TTC7A: variants seen among roughly 807,000 people sequenced by gnomAD.
The protein encoded by TTC7A is tetratricopeptide repeat domain 7A.
TTC7A carries 110 observed loss-of-function variants against 103.7 expected under a neutral mutation model. The observed-to-expected ratio is 1.06, with a 90% confidence interval of 0.91 to 1.24. The LOEUF (loss-of-function observed/expected upper bound fraction) is 1.24. Among genes scored for constraint, TTC7A ranks in the 50% most tolerant of loss-of-function variants. The pLI is 0.00. For missense variants in TTC7A, 1,340 were observed against 1,116.3 expected, an observed-to-expected ratio of 1.20 and a Z score of -2.86; for synonymous variants, 521 against 467.9, an observed-to-expected ratio of 1.11 and a Z score of -1.47.
intron 3 of TTC7A, among the ~76,000 whole-genome samples, chr2:46,973,276 G>A (rs1006305089): frequency 1.4e-4 from 21 of 152,284 alleles, no homozygotes; most frequent in African/African-American, 5.1e-4. Flanking sequence ...ATAAGAGTAT[G>A]GACTATCTGG....
At chr2:46,917,098 T>G in intron 1 of TTC7A, 2 of 688,152 alleles carry the variant, frequency 2.9e-6, no homozygotes, top group Non-Finnish European at 5.3e-6. Context: ...CTCATTCCTT[T>G]TCCCACCTTC....
rs976806035 is a variant in TTC7A at position 47,060,858 on chromosome 2, C to A, written c.2242C>A (p.Leu748Ile). 3.7e-6 allele frequency: 6 copies of A among 1,614,066 alleles called. No homozygotes were observed. Among genetic ancestry groups the A allele is most frequent in the Admixed American group, 3.3e-5 (2 of 60,002 alleles). The change falls in exon 19 of 20, where the codon CTC becomes ATC. Residue 748 changes from leucine to isoleucine, a missense_variant. Transcript: ENST00000319190. ...CCTCTTCCCCACTTCTCACTCAGTA[C>A]TCTATATGCGGGGCCGGCTGGCTGA... ...AGLFPTSHSV[L>I]YMRGRLAEVK...
At chr2:46,998,882 A>G (rs1221316329) in intron 8 of TTC7A, among the ~76,000 whole-genome samples, 2 of 152,224 alleles carry the variant, frequency 1.3e-5, no homozygotes, top group Admixed American at 1.3e-4. Context: ...TTCAAGAGGT[A>G]AATAGAAACC....
At chr2:47,053,543 TTTGGTTGGTTGGTTGG>T (rs35563040) in intron 18 of TTC7A, among the ~76,000 whole-genome samples, 9 of 140,138 alleles carry the variant, frequency 6.4e-5, no homozygotes, top group Non-Finnish European at 1.4e-4. Context: ...TGTTTGTTTG[TTTGGTTGGTTGGTTGG>T]TTGGTTGGTT....
chr2:46,932,532 AT>A (rs1669759480), intron 2 of TTC7A, among the ~76,000 whole-genome samples: 1 of 152,172 alleles, frequency 6.6e-6, no homozygotes, highest in East Asian at 1.9e-4. Flanking sequence ...CTTTTGTGTT[AT>A]TTTACACAAC....
At chr2:47,010,843 A>G (rs1427535393) in intron 10 of TTC7A, among the ~76,000 whole-genome samples, 1 of 151,978 alleles carries the variant, frequency 6.6e-6, no homozygotes, top group African/African-American at 2.4e-5. Flanking sequence ...GGGACTATGG[A>G]CACACGCCTC....
At position 47,050,173 on chromosome 2, in the gene TTC7A, C is replaced by A. The variant is rs1025054417; in HGVS notation, c.2017+127C>A. The A allele has an allele frequency of 1.0e-5, 8 of 766,218 alleles. No homozygotes were observed. In the Admixed American group the frequency reaches 1.1e-4, roughly 10 times the overall value. The allele number at this position is 766,218 out of a possible 1,614,324, so 47.5% of individuals were successfully genotyped here. On this transcript the variant is annotated intron_variant, in intron 17 of 19. Transcript: ENST00000319190. ...GGCCAAGCCCACCACTGGCTCCTTG[C>A]CAGCTCGGGCAACTTCTGGGGCTGA...
rs541449212 is a variant in TTC7A at position 46,920,321 on chromosome 2, C to A, written c.82+3044C>A. ...ACATTAGTTATTCTAGATAAACATT[C>A]TCTTCTTCAGTCTTAGCCTTTTTTT... On this transcript the variant is annotated intron_variant, in intron 2 of 20. Coordinates refer to the TTC7A transcript ENST00000409245. 1.2e-3 allele frequency among the ~76,000 whole-genome samples: 175 copies of A among 152,142 alleles called. 1 individual carries two copies. The highest frequency in any genetic ancestry group is 4.1e-3 in the African/African-American group (171 of 41,494).
chr2:47,012,894 C>T (rs1396840714), intron 11 of TTC7A, among the ~76,000 whole-genome samples: 1 of 152,194 alleles, frequency 6.6e-6, no homozygotes, highest in African/African-American at 2.4e-5. Context: ...AGTGTGGCAT[C>T]TGGCTCGTGT....
At chr2:47,054,262 T>A (rs1553410897) in intron 18 of TTC7A, 1 of 261,896 alleles carries the variant, frequency 3.8e-6, no homozygotes, top group Non-Finnish European at 4.3e-6. Context: ...TGTAACAGTT[T>A]ACAGTTTACA....
At chr2:46,999,554 T>C (rs1676579182) in intron 8 of TTC7A, 1 of 985,362 alleles carries the variant, frequency 1.0e-6, no homozygotes, top group African/African-American at 1.7e-5. Context: ...TCATAGTTCC[T>C]GTCCCAAATG....
intron 19 of TTC7A, among the ~76,000 whole-genome samples, chr2:47,070,234 C>T (rs1199442705): frequency 1.3e-5 from 2 of 152,268 alleles, no homozygotes; most frequent in African/African-American, 2.4e-5. Flanking sequence ...CCTGGCCACA[C>T]ACTGTGCCTC....
intron 14 of TTC7A, 116 bp from the exon 15 acceptor site, chr2:47,029,108 A>T (rs1185754488): frequency 8.0e-7 from 1 of 1,256,598 alleles, no homozygotes; most frequent in African/African-American, 1.5e-5. Flanking sequence ...CCCTGCCCCC[A>T]GTGCCTGGGG....
rs1558531725 is a variant in TTC7A at position 46,978,859 on chromosome 2, TC to T, written c.718del (p.Leu240TrpfsTer10). On this transcript the variant is annotated frameshift_variant, in exon 5 of 20. Coordinates refer to ENST00000319190, the MANE Select transcript of TTC7A (RefSeq NM_020458.4). LOFTEE classifies it high-confidence loss of function. ...CHPLDYELTY[F>X]LEAALQSAYV... The stretch of plus-strand genomic sequence containing the variant: ...CCGCTTGACTATGAGCTCACCTACT[TC>T]CTGGAAGCTGCCCTCCAGAGCGCCT... 1 of 1,614,082 alleles carries T rather than the reference TC, an allele frequency of 6.2e-7. No homozygotes were observed. The highest frequency in any genetic ancestry group is 8.5e-7 in the Non-Finnish European group (1 of 1,179,988).
intron 11 of TTC7A, among the ~76,000 whole-genome samples, chr2:47,013,283 T>C (rs1035441707): frequency 1.3e-5 from 2 of 152,142 alleles, no homozygotes; most frequent in African/African-American, 4.8e-5. Context: ...TTCCCAGGTC[T>C]TTTGGGGAAG....
Position 47,075,126 on chromosome 2 carries a change from T to G in TTC7A, c.*1203T>G, listed in dbSNP as rs1231718074. ...CACCTTCCTCGGAAGGAGTGGGCTG[T>G]TGGAGACCCCCCATCCATGGCACAC... On this transcript the variant is annotated 3_prime_UTR_variant, in exon 20 of 20. Coordinates refer to ENST00000319190, the MANE Select transcript of TTC7A (RefSeq NM_020458.4). 6.6e-6 allele frequency: 1 copy of G among 152,240 alleles called. No individual in the cohort carries two copies. Among genetic ancestry groups the G allele is most frequent in the Non-Finnish European group, 1.5e-5 (1 of 68,060 alleles). 9.4% of individuals were successfully genotyped at this position (152,240 alleles called of 1,614,324 possible). A position where few individuals can be genotyped will look rare whatever the true frequency, so the allele number is the denominator to read the frequency against.
intron 2 of TTC7A, among the ~76,000 whole-genome samples, chr2:46,923,031 G>C (rs1669186486): frequency 6.6e-6 from 1 of 152,198 alleles, no homozygotes. Flanking sequence ...CAGATGAAGA[G>C]ATACATAGGG....
intron 2 of TTC7A, among the ~76,000 whole-genome samples, chr2:46,931,802 C>G (rs1390740591): frequency 6.6e-6 from 1 of 152,126 alleles, no homozygotes; most frequent in African/African-American, 2.4e-5. Flanking sequence ...TGATTTAGTT[C>G]ATAAGACCTA....
intron 14 of TTC7A, among the ~76,000 whole-genome samples, chr2:47,025,429 G>A (rs986422913): frequency 9.9e-5 from 15 of 152,172 alleles, no homozygotes; most frequent in Admixed American, 1.3e-4. Context: ...CTCACCAGCC[G>A]GGGCTTGGTC....
Sources: gnomAD v4.1 joint callset for allele counts (sites outside exome capture counted in the v4.1 genomes callset) on GRCh38, gnomAD v4.1.1 for gene constraint, MANE v1.5 for transcripts, NCBI Gene and HGNC (gene_info 2026-07-23, HGNC 2026-07-21) for gene names.